Variants in MYBPC1 observed in about 807,000 individuals in gnomAD.
The protein encoded by MYBPC1 is myosin-binding protein C, slow-type.
In MYBPC1, 52 loss-of-function variants were observed where a neutral mutation model predicts 147.1. The ratio of observed to expected loss-of-function variants is 0.35; its 90% CI spans 0.28 to 0.45. The LOEUF is 0.45. Ranked by LOEUF, MYBPC1 falls within the 20% of genes least tolerant of loss-of-function variation. MYBPC1 has a pLI of 1.00. For synonymous variants in MYBPC1, 477 were observed against 475.9 expected (o/e 1.00, Z -0.03); for missense variants, 1,228 against 1,440.3 (o/e 0.85, Z 2.39).
chr12:101,678,273 CTGTCT>C, intron 28 of MYBPC1, 35 bp downstream of exon 28: 1 of 1,610,426 alleles, frequency 6.2e-7, no homozygotes. Context: ...GTTAAAGTCC[CTGTCT>C]TGTATTTGTT....
chr12:101,660,755 C>A (rs1896404774), intron 19 of MYBPC1, among the ~76,000 whole-genome samples: 1 of 150,920 alleles, frequency 6.6e-6, no homozygotes, highest in Non-Finnish European at 1.5e-5. Context: ...GCTGGGGAGG[C>A]CTCACAATCA....
At chr12:101,652,964 C>T (rs1894795972) in intron 17 of MYBPC1, 151 bp from the exon 18 acceptor site, 3 of 1,184,308 alleles carry the variant, frequency 2.5e-6, no homozygotes, top group Non-Finnish European at 3.6e-6. Context: ...AATGGTTTTG[C>T]AAGGTGCCAG....
At chr12:101,651,867 G>A (rs1894536825) in intron 16 of MYBPC1, among the ~76,000 whole-genome samples, 1 of 152,206 alleles carries the variant, frequency 6.6e-6, no homozygotes, top group South Asian at 2.1e-4. Context: ...CCAGTAGGGG[G>A]AGGTTGAAGT....
intron 26 of MYBPC1, 119 bp from the exon 27 acceptor site, chr12:101,677,116 G>T: frequency 1.1e-6 from 1 of 920,290 alleles, no homozygotes; most frequent in South Asian, 1.5e-5. Context: ...ATATAAAAAT[G>T]AGTGGTCTTT....
At chr12:101,637,021 C>A in intron 10 of MYBPC1, 1 of 127,888 alleles carries the variant, frequency 7.8e-6, no homozygotes, top group Non-Finnish European at 1.3e-5. Flanking sequence ...AAGACAAATA[C>A]CTAGAAACCT....
chr12:101,627,783 G>A lies in MYBPC1; in HGVS notation c.157G>A (p.Ala53Thr). 1 of 1,613,906 alleles carries A rather than the reference G, an allele frequency of 6.2e-7. No individual in the cohort carries two copies. Among genetic ancestry groups the A allele is most frequent in the Non-Finnish European group, 8.5e-7 (1 of 1,179,904 alleles). The change falls in exon 5 of 32, where the codon GCC becomes ACC. Residue 53 changes from alanine (A) to threonine (T), a missense_variant. Ala to Thr is a moderately conservative substitution (Grantham distance 58, BLOSUM62 0). Coordinates refer to ENST00000361466, the MANE Select transcript of MYBPC1 (RefSeq NM_002465.4). ...TTTCCTTTCAGGTTTGGGTAGTCGG[G>A]CCCTGGAGAGAAAAGATTCAGGTGA... Reference protein sequence around the residue: ...SALPPGLGSRALERKDSDWTL... With the variant: ...SALPPGLGSRTLERKDSDWTL...
At chr12:101,657,400 G>T (rs1260722324) in intron 18 of MYBPC1, among the ~76,000 whole-genome samples, 2 of 152,122 alleles carry the variant, frequency 1.3e-5, no homozygotes, top group Admixed American at 6.5e-5. Context: ...AATTAATAGA[G>T]AAATTAACAA....
intron 8 of MYBPC1, among the ~76,000 whole-genome samples, chr12:101,633,601 C>T (rs1162472355): frequency 1.3e-5 from 2 of 151,438 alleles, no homozygotes; most frequent in African/African-American, 4.9e-5. Context: ...GCAGGAGAAT[C>T]GCTTGAACCG....
Position 101,652,817 on chromosome 12 carries a change from T to C in MYBPC1, c.1633+33T>C, listed in dbSNP as rs1997204. 0.94 allele frequency: 1,450,127 copies of C among 1,540,102 alleles called. 683,460 individuals are homozygous for C. Among genetic ancestry groups the C allele is most frequent in the East Asian group, 1 (44,359 of 44,488 alleles). ...GATAAAATAATTCATTGCATAGTTG[T>C]GTTCTTTTTTGTTTGCTTTTGCTTA... On this transcript the variant is annotated intron_variant, in intron 17 of 31. Transcript: ENST00000361466.
intron 1 of MYBPC1, among the ~76,000 whole-genome samples, chr12:101,604,131 G>C (rs1881221939): frequency 6.6e-6 from 1 of 152,150 alleles, no homozygotes; most frequent in Non-Finnish European, 1.5e-5. Flanking sequence ...GAGTAGTGAG[G>C]AAGGCAAGTC....
chr12:101,652,071 A>C (rs1894586127), intron 16 of MYBPC1, among the ~76,000 whole-genome samples: 1 of 152,234 alleles, frequency 6.6e-6, no homozygotes, highest in African/African-American at 2.4e-5. Context: ...TAGGGGACAT[A>C]ATATCCTAGA....
Position 101,642,530 on chromosome 12 carries a change from G to A in MYBPC1, c.777G>A (p.Leu259=). The change falls in exon 11 of 32, where the codon CTG becomes CTA. Residue 259 remains leucine (L), a synonymous_variant. Transcript: ENST00000361466. ...CCTTCCAGTATGGAATCACCGACCT[G>A]CGCGGCATGCTCAAGCGACTCAAGC... ...KIAFQYGITD[L]RGMLKRLKRM... The A allele has an allele frequency of 6.2e-7, 1 of 1,613,540 alleles. No individual in the cohort carries two copies. The highest frequency in any genetic ancestry group is 8.5e-7 in the Non-Finnish European group (1 of 1,179,792).
At position 101,622,344 on chromosome 12, in the gene MYBPC1, G is replaced by A. The variant is rs1468005357; in HGVS notation, c.104-4528G>A. Among the ~76,000 whole-genome samples, 4 of 152,090 alleles carry A rather than the reference G, an allele frequency of 2.6e-5. No individual in the cohort carries two copies. The East Asian group carries it at 7.7e-4, about 29-fold the overall frequency. ...GTCTCATCGAACTCAACCAAATCAA[G>A]CCAGGCAATTTTTTGAGAATTTAAG... On this transcript the variant is annotated intron_variant, in intron 3 of 31. Transcript: ENST00000361466.
chr12:101,595,098 A>G lies in MYBPC1; in HGVS notation c.25+3A>G, dbSNP rs779502161. ...GCCAGAACCCACTAAGAAAGAGGGT[A>G]AGACTTATCTAGAAATCTTTTTGTT... is the stretch of plus-strand genomic sequence containing the variant. On this transcript the variant is annotated splice_donor_region_variant and intron_variant, in intron 1 of 31. Coordinates refer to ENST00000361466, the MANE Select transcript of MYBPC1 (RefSeq NM_002465.4). 6.8e-6 allele frequency: 11 copies of G among 1,611,328 alleles called. No homozygotes were observed. Among genetic ancestry groups the G allele is most frequent in the Non-Finnish European group, 9.3e-6 (11 of 1,177,502 alleles).
intron 4 of MYBPC1, 96 bp downstream of exon 4, chr12:101,627,006 T>G: frequency 1.7e-6 from 2 of 1,180,558 alleles, no homozygotes; most frequent in African/African-American, 3.0e-5. Flanking sequence ...GCTGAGTCAG[T>G]GCACAGAGCA....
intron 2 of MYBPC1, 173 bp from the exon 3 acceptor site, chr12:101,617,029 C>T: frequency 1.6e-6 from 1 of 630,224 alleles, no homozygotes; most frequent in Non-Finnish European, 2.8e-6. Context: ...TTTAGTGTGG[C>T]TCTAAGTTAT....
At chr12:101,641,517 T>C (rs187349444) in intron 10 of MYBPC1, among the ~76,000 whole-genome samples, 1 of 152,354 alleles carries the variant, frequency 6.6e-6, no homozygotes, top group East Asian at 1.9e-4. Flanking sequence ...TTAACACATA[T>C]ATGTTCTTTA....
rs1464363172 is a variant in MYBPC1 at position 101,662,398 on chromosome 12, G to A, written c.2073G>A (p.Trp691Ter). The change falls in exon 21 of 32, where the codon TGG becomes TGA. Residue 691 changes from tryptophan (W) to a stop codon, truncating the protein, a stop_gained. Transcript: ENST00000361466. LOFTEE classifies it high-confidence loss of function. ...IERKKKQSSRWMRLNFDLCKE... is the reference protein window; with the variant it reads ...IERKKKQSSR The stretch of plus-strand genomic sequence containing the variant: ...GGAAGAAGAAACAAAGCTCCAGGTG[G>A]ATGAGGCTGAATTTTGATCTCTGCA... 1.2e-6 allele frequency: 2 copies of A among 1,614,112 alleles called. No homozygotes were observed. Among genetic ancestry groups the A allele is most frequent in the East Asian group, 2.2e-5 (1 of 44,902 alleles).
intron 11 of MYBPC1, 77 bp from the exon 12 acceptor site, chr12:101,644,587 C>A: frequency 7.4e-7 from 1 of 1,348,664 alleles, no homozygotes; most frequent in Non-Finnish European, 1.1e-6. Flanking sequence ...TTAGGTTCTC[C>A]TACATGTATT....
Sources: allele counts gnomAD v4.1 joint callset (sites outside exome capture counted in the v4.1 genomes callset), GRCh38; gene constraint gnomAD v4.1.1; transcripts MANE v1.5; gene names NCBI Gene and HGNC (gene_info 2026-07-23, HGNC 2026-07-21).